MRPL21: variants seen among roughly 807,000 people sequenced by gnomAD.
MRPL21 encodes mitochondrial ribosomal protein L21.
In MRPL21, 20 loss-of-function variants were observed where a neutral mutation model predicts 27.3. That is an observed-to-expected ratio of 0.73 (90% CI 0.52 to 1.06). MRPL21 has a LOEUF of 1.06. Ranked by LOEUF, MRPL21 falls within the 50% of genes least tolerant of loss-of-function variation. MRPL21 has a pLI of 0.00. For synonymous variants in MRPL21, 98 were observed against 101.5 expected (o/e 0.97, Z 0.21); for missense variants, 249 against 251.4 (o/e 0.99, Z 0.06).
intron 1 of MRPL21, 152 bp from the exon 2 acceptor site, chr11:68,900,757 T>C: frequency 2.9e-6 from 2 of 683,204 alleles, no homozygotes; most frequent in Non-Finnish European, 2.6e-6. Flanking sequence ...TGAGCAAAAC[T>C]ACAAGAACGT....
intron 2 of MRPL21, among the ~76,000 whole-genome samples, chr11:68,900,097 T>G (rs377147046): frequency 6.6e-6 from 1 of 152,232 alleles, no homozygotes; most frequent in Non-Finnish European, 1.5e-5. Context: ...AAAAATGTTT[T>G]CTCAAGTATA....
intron 2 of MRPL21, among the ~76,000 whole-genome samples, chr11:68,900,097 T>C (rs377147046): frequency 1.3e-5 from 2 of 152,232 alleles, no homozygotes; most frequent in East Asian, 3.8e-4. Context: ...AAAAATGTTT[T>C]CTCAAGTATA....
At chr11:68,902,729 A>C (rs1202635051) in intron 1 of MRPL21, among the ~76,000 whole-genome samples, 1 of 152,206 alleles carries the variant, frequency 6.6e-6, no homozygotes, top group Non-Finnish European at 1.5e-5. Flanking sequence ...CAAACTTATA[A>C]TGACATGTAT....
intron 5 of MRPL21, 47 bp from the exon 6 acceptor site, chr11:68,893,040 T>C (rs1857692340): frequency 6.7e-7 from 1 of 1,494,514 alleles, no homozygotes; most frequent in South Asian, 1.4e-5. Flanking sequence ...GGATTATTTT[T>C]CAAATGCCTT....
chr11:68,896,824 C>G (rs1222958170), intron 3 of MRPL21, 146 bp from the exon 4 acceptor site: 6 of 1,012,458 alleles, frequency 5.9e-6, no homozygotes, highest in Non-Finnish European at 7.3e-6. Flanking sequence ...GGCGGCCCAG[C>G]CCCTGCTCCA....
chr11:68,891,673 T>C, intron 6 of MRPL21: 1 of 560,328 alleles, frequency 1.8e-6, no homozygotes, highest in South Asian at 2.1e-5. Context: ...TGCTGTGACT[T>C]CTGGAGTGCG....
intron 4 of MRPL21, among the ~76,000 whole-genome samples, chr11:68,893,821 C>G (rs927939200): frequency 5.3e-5 from 8 of 152,198 alleles, no homozygotes; most frequent in Non-Finnish European, 1.0e-4. Flanking sequence ...TGCCTGTAAT[C>G]CCAGCACTTT....
intron 1 of MRPL21, among the ~76,000 whole-genome samples, chr11:68,900,928 C>T (rs1358089282): frequency 6.6e-6 from 1 of 152,252 alleles, no homozygotes; most frequent in Non-Finnish European, 1.5e-5. Context: ...TCCAAGATGG[C>T]CCTGCTGGGC....
intron 3 of MRPL21, among the ~76,000 whole-genome samples, chr11:68,897,178 C>T (rs966483722): frequency 1.3e-5 from 2 of 152,200 alleles, no homozygotes; most frequent in African/African-American, 2.4e-5. Context: ...TCCCCCTGCA[C>T]GCCTGTGCCC....
rs796956135 is a variant in MRPL21 at position 68,895,693 on chromosome 11, C to G, written c.396+822G>C. ...ACAAACCATGCAGTTTTTTTTGAGA[C>G]AGGGTCTCGCTGTGTTGCCCAGGCT... On this transcript the variant is annotated intron_variant, in intron 4 of 6. Transcript: ENST00000362034. Among the ~76,000 whole-genome samples, 10 of 152,168 alleles carry G rather than the reference C, an allele frequency of 6.6e-5. 1 individual carries two copies. Among genetic ancestry groups the G allele is most frequent in the African/African-American group, 2.4e-4 (10 of 41,534 alleles).
At chr11:68,896,481 T>A in intron 4 of MRPL21, 34 bp downstream of exon 4, 4 of 1,610,120 alleles carry the variant, frequency 2.5e-6, no homozygotes, top group Non-Finnish European at 2.5e-6. Context: ...GGTGGCTGAG[T>A]CCCTGAATAT....
chr11:68,903,629 A>T, intron 1 of MRPL21, 94 bp downstream of exon 1: 2 of 1,297,204 alleles, frequency 1.5e-6, no homozygotes, highest in East Asian at 2.3e-5. Flanking sequence ...TCAACACACA[A>T]GGCACCAGGT....
chr11:68,894,107 T>C (rs569445), intron 4 of MRPL21, among the ~76,000 whole-genome samples: 90,194 of 151,900 alleles, frequency 0.59, 26,914 homozygotes, highest in South Asian at 0.67. Flanking sequence ...ATCATACCAT[T>C]GTGTCTCTTG....
intron 2 of MRPL21, 96 bp from the exon 3 acceptor site, chr11:68,898,108 C>T (rs572977220): frequency 9.7e-7 from 1 of 1,030,310 alleles, no homozygotes; most frequent in East Asian, 2.5e-5. Context: ...AGGAAGGGAT[C>T]CCCGGCAACA....
At position 68,903,729 on chromosome 11, in the gene MRPL21, C is replaced by T. The variant is rs149488370; in HGVS notation, c.82G>A (p.Gly28Arg). 13 of 1,613,312 alleles carry T rather than the reference C, an allele frequency of 8.1e-6. No homozygotes were observed. The African/African-American group carries it at 1.7e-4, about 21-fold the overall frequency. The change falls in exon 1 of 7, where the codon GGA (glycine) becomes AGA (arginine). Residue 28 changes from glycine to arginine, a missense_variant. By Grantham distance (125) the Gly-to-Arg change is moderately radical (BLOSUM62 -2). Coordinates refer to ENST00000362034, the MANE Select transcript of MRPL21 (RefSeq NM_181514.2). ...SHSILRPSGP[G>R]AASLWSASRR... is the part of the protein sequence containing the mutation. The stretch of plus-strand genomic sequence containing the variant: ...CCCATATCCCAGGTCTCACCTGCTC[C>T]GGGCCCCGAAGGTCTCAGGATGCTG...
intron 5 of MRPL21, 28 bp downstream of exon 5, chr11:68,893,375 A>C: frequency 6.2e-7 from 1 of 1,614,092 alleles, no homozygotes. Context: ...GGAGCCCCAG[A>C]CAAAGCCCAG....
At chr11:68,892,861 A>C (rs745993648) in intron 6 of MRPL21, 29 bp downstream of exon 6, 4 of 1,600,658 alleles carry the variant, frequency 2.5e-6, no homozygotes, top group Non-Finnish European at 3.4e-6. Context: ...ACCGTGCAAC[A>C]GGGCCCAGCG....
chr11:68,896,424 C>T (rs1307265003), intron 4 of MRPL21, 91 bp downstream of exon 4: 9 of 1,490,880 alleles, frequency 6.0e-6, no homozygotes, highest in South Asian at 2.4e-5. Flanking sequence ...ACGGGGTCGG[C>T]GAGGGTCCCT....
In MRPL21 at chr11:68,903,811, G is replaced by C. The variant is rs1180282962; in HGVS notation, c.-1C>G. On this transcript the variant is annotated 5_prime_UTR_variant, in exon 1 of 7. Coordinates refer to ENST00000362034, the MANE Select transcript of MRPL21 (RefSeq NM_181514.2). ...TGACCGTCAGGGAAGATGCTGCCAT[G>C]GCCGCAGCCTCGGCCGGAAACGGAA... 8.5e-7 allele frequency: 1 copy of C among 1,176,498 alleles called. No homozygotes were observed. Among genetic ancestry groups the C allele is most frequent in the Admixed American group, 1.9e-5 (1 of 52,432 alleles). The allele number at this position is 1,176,498 out of a possible 1,614,324, so 72.9% of individuals were successfully genotyped here.
Sources: allele counts gnomAD v4.1 joint callset (sites outside exome capture counted in the v4.1 genomes callset), GRCh38; gene constraint gnomAD v4.1.1; transcripts MANE v1.5; gene names NCBI Gene and HGNC (gene_info 2026-07-23, HGNC 2026-07-21).